ARFIP1: variants seen among roughly 807,000 people sequenced by gnomAD.
The protein encoded by ARFIP1 is arfaptin-1.
A neutral mutation model predicts 42.5 loss-of-function variants in ARFIP1; 24 were observed. The observed-to-expected ratio is 0.57, with a 90% CI of 0.41 to 0.80. The LOEUF is 0.80. Among genes scored for constraint, ARFIP1 ranks in the 30% least tolerant of loss-of-function variants. The pLI is 0.00. For missense variants in ARFIP1, 354 were observed against 434.0 expected (o/e 0.82, Z 1.64); for synonymous variants, 141 against 153.7 (o/e 0.92, Z 0.61).
intron 2 of ARFIP1, among the ~76,000 whole-genome samples, chr4:152,845,631 A>G (rs1732479117): frequency 6.6e-6 from 1 of 152,240 alleles, no homozygotes; most frequent in African/African-American, 2.4e-5. Context: ...AGAAATGCAA[A>G]TCAAAACCAC....
chr4:152,824,063 A>G (rs1439122926), intron 1 of ARFIP1, among the ~76,000 whole-genome samples: 1 of 152,160 alleles, frequency 6.6e-6, no homozygotes, highest in East Asian at 1.9e-4. Flanking sequence ...CTGTAATCCT[A>G]GCACTTTGGG....
chr4:152,902,029 GTC>G (rs373103733), intron 8 of ARFIP1, among the ~76,000 whole-genome samples: 54 of 152,212 alleles, frequency 3.5e-4, no homozygotes, highest in African/African-American at 1.2e-3. Context: ...TTTCTAAAAT[GTC>G]TATTGCCCAT....
rs1738826902 is a variant in ARFIP1, at chr4:152,911,261, T to C, written c.*1042T>C. ...TATGTATGAATGTTGGGTTTCTTTG[T>C]ACTTGTTAAGCCACATTTGAGGTTT... On this transcript the variant is annotated 3_prime_UTR_variant, in exon 9 of 9. Coordinates refer to ENST00000353617, the MANE Select transcript of ARFIP1 (RefSeq NM_001025595.3). The C allele has an allele frequency of 6.5e-6, 1 of 152,680 alleles. No individual in the cohort carries two copies. Among genetic ancestry groups the C allele is most frequent in the South Asian group, 2.1e-4 (1 of 4,838 alleles). The allele number at this position is 152,680 out of a possible 1,614,324, so 9.5% of individuals were successfully genotyped here.
chr4:152,795,668 G>T (rs1385304367), intron 1 of ARFIP1, among the ~76,000 whole-genome samples: 1 of 151,944 alleles, frequency 6.6e-6, no homozygotes, highest in African/African-American at 2.4e-5. Context: ...GTAAGTGCCT[G>T]TTTCCCTTAC....
At chr4:152,855,161 G>T (rs1170852283) in intron 2 of ARFIP1, among the ~76,000 whole-genome samples, 5 of 152,170 alleles carry the variant, frequency 3.3e-5, no homozygotes, top group African/African-American at 1.2e-4. Flanking sequence ...CAGCTGAGGT[G>T]GTAGCAGCTG....
At chr4:152,841,811 A>G (rs10023528) in intron 2 of ARFIP1, among the ~76,000 whole-genome samples, 41,077 of 151,970 alleles carry the variant, frequency 0.27, 6,858 homozygotes, top group African/African-American at 0.47. Flanking sequence ...CTGTCTCACA[A>G]CTGTTAAGAT....
intron 2 of ARFIP1, among the ~76,000 whole-genome samples, chr4:152,837,953 A>G (rs960717597): frequency 2.0e-5 from 3 of 152,138 alleles, no homozygotes; most frequent in African/African-American, 4.8e-5. Flanking sequence ...TGATTTTTGT[A>G]TAAGGTGAGA....
chr4:152,827,142 T>C (rs1408904499), intron 1 of ARFIP1, among the ~76,000 whole-genome samples: 1 of 152,242 alleles, frequency 6.6e-6, no homozygotes, highest in Non-Finnish European at 1.5e-5. Flanking sequence ...ACACATAGGT[T>C]AAGATGGTAA....
chr4:152,786,271 CT>C (rs1292725823), intron 1 of ARFIP1, among the ~76,000 whole-genome samples: 1 of 152,164 alleles, frequency 6.6e-6, no homozygotes, highest in Non-Finnish European at 1.5e-5. Flanking sequence ...TGTTGACATC[CT>C]TTCTTGAATA....
At chr4:152,864,913 C>CT (rs34123163) in intron 3 of ARFIP1, among the ~76,000 whole-genome samples, 2,528 of 112,426 alleles carry the variant, frequency 0.022, 38 homozygotes, top group African/African-American at 0.028. Context: ...CTTTTTTAAA[C>CT]TTTTTTTTTT....
intron 5 of ARFIP1, among the ~76,000 whole-genome samples, chr4:152,879,064 G>T (rs1459473092): frequency 1.3e-5 from 2 of 151,972 alleles, no homozygotes; most frequent in Non-Finnish European, 2.9e-5. Context: ...TCATTTTCTA[G>T]GAGTGTTTGT....
intron 8 of ARFIP1, among the ~76,000 whole-genome samples, chr4:152,897,379 T>G (rs975063811): frequency 6.6e-6 from 1 of 152,090 alleles, no homozygotes. Context: ...GGGAGGGATA[T>G]TTTGTATACA....
intron 2 of ARFIP1, among the ~76,000 whole-genome samples, chr4:152,832,919 G>A (rs1194266786): frequency 6.6e-6 from 1 of 152,100 alleles, no homozygotes; most frequent in African/African-American, 2.4e-5. Flanking sequence ...AAGCCTAACT[G>A]TAAGACCTGA....
intron 1 of ARFIP1, among the ~76,000 whole-genome samples, chr4:152,783,030 A>G (rs796644909): frequency 2.0e-5 from 3 of 152,264 alleles, no homozygotes; most frequent in African/African-American, 7.2e-5. Context: ...AGCGTATGCT[A>G]GGCTGGGCAC....
At chr4:152,908,596 C>A (rs960675842) in intron 8 of ARFIP1, among the ~76,000 whole-genome samples, 1 of 151,256 alleles carries the variant, frequency 6.6e-6, no homozygotes, top group African/African-American at 2.4e-5. Context: ...GCAACAGAAG[C>A]AAAACTCCAT....
chr4:152,860,604 T>C (rs1733811895), intron 2 of ARFIP1, among the ~76,000 whole-genome samples: 1 of 152,228 alleles, frequency 6.6e-6, no homozygotes, highest in African/African-American at 2.4e-5. Context: ...CAACTACTAT[T>C]AGTAACAAAT....
rs529365641 is a variant in ARFIP1 at position 152,783,403 on chromosome 4, A to G, written c.-10+3177A>G. Among the ~76,000 whole-genome samples, 22 of 152,338 alleles carry G rather than the reference A, an allele frequency of 1.4e-4. No homozygotes were observed. The East Asian group carries it at 1.9e-3, about 13-fold the overall frequency. On this transcript the variant is annotated intron_variant, in intron 1 of 8. Coordinates refer to ENST00000353617, the MANE Select transcript of ARFIP1 (RefSeq NM_001025595.3). ...AAGATATTTTATATCTAACACTGTA[A>G]CAGTTACATTTATTTGCTTACCATG...
chr4:152,862,468 A>T (rs1733972235), intron 2 of ARFIP1, among the ~76,000 whole-genome samples: 1 of 152,064 alleles, frequency 6.6e-6, no homozygotes, highest in South Asian at 2.1e-4. Context: ...AAAAAGGATA[A>T]CTATCTTTGG....
chr4:152,843,377 G>GT (rs1162039990), intron 2 of ARFIP1, among the ~76,000 whole-genome samples: 1 of 152,192 alleles, frequency 6.6e-6, no homozygotes, highest in African/African-American at 2.4e-5. Flanking sequence ...TTAATGCTCT[G>GT]TTTTTGTGCT....
Sources: allele counts gnomAD v4.1 joint callset (sites outside exome capture counted in the v4.1 genomes callset), GRCh38; gene constraint gnomAD v4.1.1; transcripts MANE v1.5; gene names NCBI Gene and HGNC (gene_info 2026-07-23, HGNC 2026-07-21).